The following CANT1 variants were observed in gnomAD, a reference collection of about 807,000 sequenced individuals.
The protein encoded by CANT1 is soluble calcium-activated nucleotidase 1.
A neutral mutation model predicts 30.0 loss-of-function variants in CANT1; 26 were observed. The ratio of observed to expected loss-of-function variants is 0.87; its 90% confidence interval spans 0.64 to 1.20. The LOEUF (loss-of-function observed/expected upper bound fraction) is 1.20. Ranked by LOEUF, CANT1 falls within the 50% of genes most tolerant of loss-of-function variation. The probability of loss-of-function intolerance (pLI) is 0.00; values close to 1 mark genes in which losing one functional copy is unlikely to be tolerated. For missense variants in CANT1, 518 were observed against 563.0 expected (o/e 0.92, Z 0.81); for synonymous variants, 246 against 251.8 (o/e 0.98, Z 0.22).
In CANT1 at chr17:78,993,522, T is replaced by C; in HGVS notation, c.*28A>G. On this transcript the variant is annotated 3_prime_UTR_variant, in exon 5 of 5. Coordinates refer to ENST00000392446, the MANE Select transcript of CANT1 (RefSeq NM_001159773.2). The surrounding 1 kb of genome is among the most constrained non-coding windows in gnomAD (Gnocchi z 4.5). ...TGTTTTTATAAAAGCTGAGTCCTGA[T>C]GGCCTTGCTCAGTGTTTCCGTTTTG... 6.2e-7 allele frequency: 1 copy of C among 1,614,124 alleles called. No individual in the cohort carries two copies. Among genetic ancestry groups the C allele is most frequent in the Non-Finnish European group, 8.5e-7 (1 of 1,180,004 alleles).
At chr17:79,004,073 A>G (rs1202620245) in intron 1 of CANT1, among the ~76,000 whole-genome samples, 3 of 5,504 alleles carry the variant, frequency 5.5e-4, no homozygotes, top group East Asian at 3.9e-3. Context: ...AGTTAGGGAG[A>G]GGGGAGTTAG....
rs938386845 is a variant in CANT1 at position 79,003,000 on chromosome 17, G to A, written c.-146-5037C>T. Among the ~76,000 whole-genome samples the A allele has an allele frequency of 4.0e-4, 61 of 152,066 alleles. No homozygotes were observed. Among genetic ancestry groups the A allele is most frequent in the Admixed American group, 5.9e-4 (9 of 15,270 alleles). ...GAACCAGAGGTGTCTGAGTCCCGGC[G>A]TCTCTGCCCCTCTGGGGAATCAGTG... On this transcript the variant is annotated intron_variant, in intron 1 of 4. Transcript: ENST00000392446. The surrounding 1 kb of genome is among the most constrained non-coding windows in gnomAD (Gnocchi z 4.0).
Position 78,998,519 on chromosome 17 carries a change from C to T in CANT1, c.-146-556G>A, listed in dbSNP as rs1389084537. 6.6e-6 allele frequency among the ~76,000 whole-genome samples: 1 copy of T among 152,258 alleles called. No individual in the cohort carries two copies. Among genetic ancestry groups the T allele is most frequent in the Non-Finnish European group, 1.5e-5 (1 of 68,040 alleles). ...GCCTGGCTCGGCCGCAGGCCTCTCC[C>T]AGCTCACCCTCCACCCCAGGCGTGG... On this transcript the variant is annotated intron_variant, in intron 1 of 4. Coordinates refer to ENST00000392446, the MANE Select transcript of CANT1 (RefSeq NM_001159773.2). This position sits in a 1 kb window ranked among gnomAD's most constrained non-coding sequence, Gnocchi z 4.5.
Position 78,998,724 on chromosome 17 carries a change from T to C in CANT1, c.-146-761A>G, listed in dbSNP as rs1204581415. Among the ~76,000 whole-genome samples, 1 of 152,236 alleles carries C rather than the reference T, an allele frequency of 6.6e-6. No individual in the cohort carries two copies. Among genetic ancestry groups the C allele is most frequent in the Non-Finnish European group, 1.5e-5 (1 of 68,030 alleles). ...TGCCTGTCTCTGGACAGCCGCCAAG[T>C]GCCACAGTGGGGCGTGGGGAGACAG... On this transcript the variant is annotated intron_variant, in intron 1 of 4. Transcript: ENST00000392446. The surrounding 1 kb of genome is among the most constrained non-coding windows in gnomAD (Gnocchi z 4.5).
At chr17:78,994,979 G>A in intron 4 of CANT1, 39 bp downstream of exon 4, 3 of 1,541,596 alleles carry the variant, frequency 1.9e-6, no homozygotes, top group Non-Finnish European at 2.6e-6. Flanking sequence ...CGACTGGGCT[G>A]TGGAAGCCAC....
At chr17:79,004,079 G>C (rs1338060835) in intron 1 of CANT1, among the ~76,000 whole-genome samples, 1 of 15,128 alleles carries the variant, frequency 6.6e-5, no homozygotes, top group African/African-American at 4.6e-4. Context: ...GGAGAGGGGA[G>C]TTAGGGAGGG....
Position 79,008,196 on chromosome 17 carries a change from C to T in CANT1, c.-147+1468G>A, listed in dbSNP as rs1042061180. On this transcript the variant is annotated intron_variant, in intron 1 of 4. Transcript: ENST00000392446. The surrounding 1 kb of genome is among the most constrained non-coding windows in gnomAD (Gnocchi z 4.4). ...GCTAGGATAGAGGGCTCATTGAGGC[C>T]AGCAGGGAGGAGCACCTGGGAGGAG... 6.6e-6 allele frequency: 1 copy of T among 152,330 alleles called. No individual in the cohort carries two copies. Among genetic ancestry groups the T allele is most frequent in the Non-Finnish European group, 1.5e-5 (1 of 68,168 alleles). The allele number at this position is 152,330 out of a possible 1,614,324, so 9.4% of individuals were successfully genotyped here. A position where few individuals can be genotyped will look rare whatever the true frequency, so the allele number is the denominator to read the frequency against.
At chr17:79,001,282 C>T (rs62076465) in intron 1 of CANT1, among the ~76,000 whole-genome samples, 5 of 152,164 alleles carry the variant, frequency 3.3e-5, no homozygotes, top group South Asian at 2.1e-4. Context: ...GTCAAATCTC[C>T]GGCCCACTTC....
Position 78,997,768 on chromosome 17 carries a change from G to T in CANT1, c.-23+72C>A. The T allele has an allele frequency of 1.3e-6, 1 of 798,634 alleles. No homozygotes were observed. The highest frequency in any genetic ancestry group is 1.9e-6 in the Non-Finnish European group (1 of 531,270). 49.5% of individuals were successfully genotyped at this position (798,634 alleles called of 1,614,324 possible). A position where few individuals can be genotyped will look rare whatever the true frequency, so the allele number is the denominator to read the frequency against. On this transcript the variant is annotated intron_variant, in intron 2 of 4. Transcript: ENST00000392446. The surrounding 1 kb of genome is among the most constrained non-coding windows in gnomAD (Gnocchi z 7.5). ...AAGAAACAGTATTTCACTACTCTGT[G>T]GCCATTCTTACTCCCTTGGCTTAAT...
Position 78,997,978 on chromosome 17 carries a change from G to A in CANT1, c.-146-15C>T, listed in dbSNP as rs886053531. On this transcript the variant is annotated splice_polypyrimidine_tract_variant and intron_variant, in intron 1 of 4. Coordinates refer to ENST00000392446, the MANE Select transcript of CANT1 (RefSeq NM_001159773.2). The surrounding 1 kb of genome is among the most constrained non-coding windows in gnomAD (Gnocchi z 7.5). ...CTGTGGTCCCTCTAAAGAGAGAAGC[G>A]CAGGAGAGTCAGGTGGGAGGGGAAG... 25 of 284,666 alleles carry A rather than the reference G, an allele frequency of 8.8e-5. No individual in the cohort carries two copies. The highest frequency in any genetic ancestry group is 4.7e-4 in the African/African-American group (22 of 46,850). The allele number at this position is 284,666 out of a possible 1,614,324, so 17.6% of individuals were successfully genotyped here. A position where few individuals can be genotyped will look rare whatever the true frequency, so the allele number is the denominator to read the frequency against.
At position 78,995,107 on chromosome 17, in the gene CANT1, T is replaced by C; in HGVS notation, c.746A>G (p.Lys249Arg). 6.2e-7 allele frequency: 1 copy of C among 1,612,962 alleles called. No individual in the cohort carries two copies. The highest frequency in any genetic ancestry group is 8.5e-7 in the Non-Finnish European group (1 of 1,179,642). ...CACGCTGCCCTTGTAGCCCACCACC[T>C]TCACCCACTCCGGGTTCTCGTTCAC... Reference protein sequence around the residue: ...DVVNENPEWVKVVGYKGSVDH... With the variant: ...DVVNENPEWVRVVGYKGSVDH... Residue 249 changes from lysine (K) to arginine (R), a missense_variant, in exon 4 of 5, where the codon AAG (lysine) becomes AGG (arginine). Physicochemically the swap from Lys to Arg is conservative, Grantham distance 26. Transcript: ENST00000392446. The surrounding 1 kb of genome is among the most constrained non-coding windows in gnomAD (Gnocchi z 5.7).
rs775178905 is a variant in CANT1 at position 79,000,916 on chromosome 17, A to G, written c.-146-2953T>C. ...CTGTCACAGCCCCAGCACCTGACGC[A>G]CTGCCAGGCAGGGAGCAGACAGTCT... On this transcript the variant is annotated intron_variant, in intron 1 of 4. Transcript: ENST00000392446. Among the ~76,000 whole-genome samples, 52 of 152,288 alleles carry G rather than the reference A, an allele frequency of 3.4e-4. No individual in the cohort carries two copies. The Middle Eastern group carries it at 0.014, about 40-fold the overall frequency.
intron 1 of CANT1, among the ~76,000 whole-genome samples, chr17:79,006,635 T>C (rs892491689): frequency 2.0e-5 from 3 of 152,244 alleles, no homozygotes; most frequent in African/African-American, 7.2e-5. Flanking sequence ...CTGTGTCTGC[T>C]TAATTTGTAT....
intron 1 of CANT1, among the ~76,000 whole-genome samples, chr17:78,999,132 GC>G (rs149171878): frequency 0.024 from 3,707 of 152,310 alleles, 60 homozygotes; most frequent in East Asian, 0.031. Context: ...CTAGGTTTTA[GC>G]CCCAGGGTGA....
At chr17:78,994,285 C>T (rs2070949251) in intron 4 of CANT1, among the ~76,000 whole-genome samples, 1 of 152,168 alleles carries the variant, frequency 6.6e-6, no homozygotes, top group Admixed American at 6.5e-5. Flanking sequence ...TGCCTTGAGG[C>T]TGCAAGGAAG....
chr17:79,000,283 ACACTT>A (rs2071208134), intron 1 of CANT1: 1 of 152,158 alleles, frequency 6.6e-6, no homozygotes, highest in South Asian at 2.1e-4. Context: ...GTGTGAATAT[ACACTT>A]CGATAAAAAC....
In CANT1 at chr17:78,993,638, T is replaced by C. The variant is rs746011010; in HGVS notation, c.1118A>G (p.Tyr373Cys). 9.9e-6 allele frequency: 16 copies of C among 1,614,130 alleles called. No individual in the cohort carries two copies. Among genetic ancestry groups the C allele is most frequent in the Middle Eastern group, 3.3e-4 (2 of 6,084 alleles). ...CCCGTCCAGCGTGAAGGCCATGATGTAGGAGGCGACTCTGCCGCTGTCCTC... is the reference window on the plus strand; with the variant it reads ...CCCGTCCAGCGTGAAGGCCATGATGCAGGAGGCGACTCTGCCGCTGTCCTC... ...SEEDSGRVAS[Y>C]IMAFTLDGRF... The change falls in exon 5 of 5, where the codon TAC (tyrosine) becomes TGC (cysteine). Residue 373 changes from tyrosine (Y) to cysteine (C), a missense_variant. Tyr to Cys is a radical substitution (Grantham distance 194). Around this residue, in one of 3 missense-constraint regions of CANT1, gnomAD observed 221 missense variants for 211.8 expected, o/e 1.04. Coordinates refer to ENST00000392446, the MANE Select transcript of CANT1 (RefSeq NM_001159773.2). The surrounding 1 kb of genome is among the most constrained non-coding windows in gnomAD (Gnocchi z 4.5).
rs778908500 is a variant in CANT1, at chr17:78,997,026, C to T, written c.597G>A (p.Val199=). 2.5e-6 allele frequency: 4 copies of T among 1,614,126 alleles called. No individual in the cohort carries two copies. The African/African-American group carries it at 5.3e-5, about 22-fold the overall frequency. ...CGGTGCCGTCGCCGTCGGACAGAAT[C>T]ACCCAGGGCACGGCTTTGCTGCCTT... ...QIEGSKAVPW[V]ILSDGDGTVE... is the part of the protein sequence containing the mutation. Residue 199 remains valine (V), a synonymous_variant, in exon 3 of 5, where the codon GTG becomes GTA. Coordinates refer to ENST00000392446, the MANE Select transcript of CANT1 (RefSeq NM_001159773.2). This position sits in a 1 kb window ranked among gnomAD's most constrained non-coding sequence, Gnocchi z 7.5.
At chr17:79,006,374 C>A (rs2071552059) in intron 1 of CANT1, among the ~76,000 whole-genome samples, 1 of 147,960 alleles carries the variant, frequency 6.8e-6, no homozygotes, top group Non-Finnish European at 1.5e-5. Flanking sequence ...TGGGAAAATC[C>A]AGGATCATCT....
Sources: allele counts gnomAD v4.1 joint callset (sites outside exome capture counted in the v4.1 genomes callset), GRCh38; gene constraint gnomAD v4.1.1; regional missense constraint gnomAD v4.1.1; non-coding constraint Gnocchi (gnomAD v3.1); transcripts MANE v1.5; gene names NCBI Gene and HGNC (gene_info 2026-07-23, HGNC 2026-07-21).